The following ZMAT4 variants were observed in gnomAD, a reference collection of about 807,000 sequenced individuals.
ZMAT4 encodes the protein zinc finger matrin-type 4, also known as zinc finger matrin-type protein 4.
ZMAT4 carries 17 observed loss-of-function variants against 28.7 expected under a neutral mutation model. The ratio of observed to expected loss-of-function variants is 0.59; its 90% CI spans 0.41 to 0.89. ZMAT4 has a LOEUF of 0.89. Among genes scored for constraint, ZMAT4 ranks in the 40% least tolerant of loss-of-function variants. The pLI is 0.00. For missense variants in ZMAT4, 240 were observed against 283.8 expected (o/e 0.85, Z 1.11); for synonymous variants, 117 against 109.2 (o/e 1.07, Z -0.44).
At chr8:40,745,617 C>A (rs1185356406) in intron 3 of ZMAT4, among the ~76,000 whole-genome samples, 1 of 152,122 alleles carries the variant, frequency 6.6e-6, no homozygotes, top group African/African-American at 2.4e-5. Flanking sequence ...CACGATGGCT[C>A]TGAGAGAGAA....
intron 2 of ZMAT4, among the ~76,000 whole-genome samples, chr8:40,799,458 T>C (rs1394964010): frequency 6.6e-6 from 1 of 152,216 alleles, no homozygotes; most frequent in Non-Finnish European, 1.5e-5. Flanking sequence ...GGTTTTTTCT[T>C]TATTCCAAAT....
intron 5 of ZMAT4, among the ~76,000 whole-genome samples, chr8:40,654,326 G>C (rs1807821445): frequency 1.3e-5 from 2 of 152,080 alleles, no homozygotes; most frequent in Admixed American, 6.6e-5. Flanking sequence ...TCCTCACACT[G>C]TAGCCTGTGA....
At chr8:40,881,562 GAAAGAAAGAAAGAA>G (rs1818261401) in intron 1 of ZMAT4, among the ~76,000 whole-genome samples, 1 of 98,098 alleles carries the variant, frequency 1.0e-5, no homozygotes, top group African/African-American at 4.2e-5. Context: ...AAGAAAGAAA[GAAAGAAAGAAAGAA>G]AGAAAGAAAG....
intron 5 of ZMAT4, among the ~76,000 whole-genome samples, chr8:40,625,352 T>C (rs2722429): frequency 0.78 from 118,779 of 151,960 alleles, 47,638 homozygotes; most frequent in Non-Finnish European, 0.88. Context: ...GATATTTGAG[T>C]AGAGGCATGT....
intron 3 of ZMAT4, among the ~76,000 whole-genome samples, chr8:40,735,052 A>C (rs1365094500): frequency 1.3e-5 from 2 of 152,190 alleles, no homozygotes; most frequent in Admixed American, 6.5e-5. Context: ...TCAGCTTTTT[A>C]CTGACTGAGC....
intron 4 of ZMAT4, among the ~76,000 whole-genome samples, chr8:40,677,084 C>A (rs1432423505): frequency 6.6e-6 from 1 of 152,068 alleles, no homozygotes; most frequent in Non-Finnish European, 1.5e-5. Context: ...ACTCTTGAAG[C>A]ATAATTTATT....
intron 2 of ZMAT4, among the ~76,000 whole-genome samples, chr8:40,808,338 A>G (rs1815174063): frequency 6.6e-6 from 1 of 152,094 alleles, no homozygotes; most frequent in African/African-American, 2.4e-5. Context: ...ATGTTACAGC[A>G]CTTTGCAAAG....
chr8:40,837,069 C>G (rs1178006171), intron 1 of ZMAT4, among the ~76,000 whole-genome samples: 1 of 152,126 alleles, frequency 6.6e-6, no homozygotes, highest in Non-Finnish European at 1.5e-5. Flanking sequence ...TCTTCCACAC[C>G]CTCTGCAATA....
intron 3 of ZMAT4, among the ~76,000 whole-genome samples, chr8:40,763,357 C>G (rs1190171491): frequency 6.6e-6 from 1 of 152,174 alleles, no homozygotes; most frequent in African/African-American, 2.4e-5. Context: ...GCTGGGTGAT[C>G]ACAGTCAATT....
chr8:40,716,746 G>A (rs1425693715), intron 3 of ZMAT4, among the ~76,000 whole-genome samples: 2 of 152,064 alleles, frequency 1.3e-5, no homozygotes, highest in African/African-American at 2.4e-5. Flanking sequence ...CAAATGTCTC[G>A]CCCTCTAGCA....
rs1805161917 is a variant in ZMAT4 at position 40,598,089 on chromosome 8, GA to G, written c.578-16829del. Among the ~76,000 whole-genome samples, 6 of 152,076 alleles carry G rather than the reference GA, an allele frequency of 3.9e-5. No individual in the cohort carries two copies. In the South Asian group the frequency reaches 1.2e-3, roughly 32 times the overall value. ...TTTTATAGGATTATACCACAATTCA[GA>G]AAAAAGAGCACACTTAATTTAATGT... On this transcript the variant is annotated intron_variant, in intron 5 of 6. Coordinates refer to ENST00000297737, the MANE Select transcript of ZMAT4 (RefSeq NM_024645.3).
At chr8:40,588,826 A>T (rs936630581) in intron 5 of ZMAT4, among the ~76,000 whole-genome samples, 2 of 152,164 alleles carry the variant, frequency 1.3e-5, no homozygotes, top group African/African-American at 4.8e-5. Flanking sequence ...TTAAAAAAAG[A>T]TTTTTACAAG....
At chr8:40,772,119 T>G (rs570035406) in intron 2 of ZMAT4, among the ~76,000 whole-genome samples, 4 of 152,344 alleles carry the variant, frequency 2.6e-5, no homozygotes, top group African/African-American at 9.6e-5. Flanking sequence ...CTTTTTTGCA[T>G]TAATATTTGC....
rs553001973 is a variant in ZMAT4, at chr8:40,827,818, G to C, written c.-4-2138C>G. On this transcript the variant is annotated intron_variant, in intron 1 of 6. Transcript: ENST00000297737. Reference sequence around the variant, plus strand: ...CTCCCCCACAAGGCAACCTGTTCCAGAGAGGGCAGAAGCTCTAGTTGTTAA... The same window carrying C: ...CTCCCCCACAAGGCAACCTGTTCCACAGAGGGCAGAAGCTCTAGTTGTTAA... Among the ~76,000 whole-genome samples the C allele has an allele frequency of 1.5e-4, 23 of 152,320 alleles. No homozygotes were observed. In the East Asian group the frequency reaches 3.5e-3, roughly 23 times the overall value.
At chr8:40,720,957 GTTTA>G (rs1264281139) in intron 3 of ZMAT4, among the ~76,000 whole-genome samples, 2 of 142,580 alleles carry the variant, frequency 1.4e-5, no homozygotes, top group South Asian at 2.2e-4. Flanking sequence ...TTGTTTGTTT[GTTTA>G]TTTGTGTTTT....
chr8:40,532,636 T>C (rs1021879673), intron 6 of ZMAT4, among the ~76,000 whole-genome samples: 3 of 152,164 alleles, frequency 2.0e-5, no homozygotes, highest in African/African-American at 7.2e-5. Context: ...AGTGGCTAAA[T>C]TTCAAATTAA....
rs948361962 is a variant in ZMAT4 at position 40,835,403 on chromosome 8, T to C, written c.-4-9723A>G. 2.6e-5 allele frequency among the ~76,000 whole-genome samples: 4 copies of C among 152,158 alleles called. No individual in the cohort carries two copies. In the East Asian group the frequency reaches 7.7e-4, roughly 29 times the overall value. The stretch of plus-strand genomic sequence containing the variant: ...TAAAGAATAGGCTCCTACCCTCCCC[T>C]CACTCAACGGAGAAAAGCCTACGTG... On this transcript the variant is annotated intron_variant, in intron 1 of 6. Transcript: ENST00000297737.
At chr8:40,778,077 C>T (rs908816102) in intron 2 of ZMAT4, among the ~76,000 whole-genome samples, 2 of 152,110 alleles carry the variant, frequency 1.3e-5, no homozygotes, top group Non-Finnish European at 2.9e-5. Context: ...TTACAGTAAA[C>T]ACAACTTAAA....
intron 2 of ZMAT4, among the ~76,000 whole-genome samples, chr8:40,812,587 G>A (rs986294777): frequency 3.9e-5 from 6 of 152,160 alleles, no homozygotes; most frequent in African/African-American, 7.2e-5. Flanking sequence ...AAAATGACAC[G>A]ACAGAGAAAC....
Sources: gnomAD v4.1 joint callset for allele counts (sites outside exome capture counted in the v4.1 genomes callset) on GRCh38, gnomAD v4.1.1 for gene constraint, MANE v1.5 for transcripts, NCBI Gene and HGNC (gene_info 2026-07-23, HGNC 2026-07-21) for gene names.